SRRM3: variants seen among roughly 807,000 people sequenced by gnomAD.
The protein encoded by SRRM3 is serine/arginine repetitive matrix 3.
SRRM3 carries 27 observed loss-of-function variants against 66.2 expected under a neutral mutation model. The observed-to-expected ratio is 0.41, with a 90% CI of 0.30 to 0.56. SRRM3 has a LOEUF of 0.56. SRRM3 is among the 20% of genes least tolerant of loss of function. The probability of loss-of-function intolerance (pLI) is 0.32; values close to 1 mark genes in which losing one functional copy is unlikely to be tolerated. For synonymous variants in SRRM3, 391 were observed against 414.9 expected, an observed-to-expected ratio of 0.94 and a Z score of 0.70; for missense variants, 918 against 991.9, an observed-to-expected ratio of 0.93 and a Z score of 1.00.
At chr7:76,265,854 A>G (rs1175411409) in intron 10 of SRRM3, among the ~76,000 whole-genome samples, 1 of 9,972 alleles carries the variant, frequency 1.0e-4, no homozygotes. Context: ...ATATATATAT[A>G]TATATTTTTT....
intron 3 of SRRM3, among the ~76,000 whole-genome samples, chr7:76,256,864 C>A (rs553700760): frequency 1.4e-4 from 22 of 151,956 alleles, no homozygotes; most frequent in Non-Finnish European, 3.1e-4. Flanking sequence ...TGTGCGCCAC[C>A]ACGCCTGGCT....
At chr7:76,281,151 T>C (rs1563642306) in intron 11 of SRRM3, among the ~76,000 whole-genome samples, 2 of 150,542 alleles carry the variant, frequency 1.3e-5, no homozygotes, top group African/African-American at 2.5e-5. Flanking sequence ...CTCCTCCCTC[T>C]CTCCCTCTTT....
At chr7:76,222,697 C>T (rs782203853) in intron 1 of SRRM3, among the ~76,000 whole-genome samples, 1 of 152,024 alleles carries the variant, frequency 6.6e-6, no homozygotes, top group Non-Finnish European at 1.5e-5. Context: ...TCTTGACTCA[C>T]TGAAACCTCT....
chr7:76,204,216 C>T (rs1800236424), intron 1 of SRRM3, among the ~76,000 whole-genome samples: 1 of 152,126 alleles, frequency 6.6e-6, no homozygotes, highest in African/African-American at 2.4e-5. Flanking sequence ...ACTTTTCTCC[C>T]TCCTCTGCCC....
In SRRM3 at chr7:76,286,295, C is replaced by A. The variant is rs1554612820; in HGVS notation, c.*452C>A. 5.3e-6 allele frequency: 1 copy of A among 187,460 alleles called. No individual in the cohort carries two copies. 11.6% of individuals were successfully genotyped at this position (187,460 alleles called of 1,614,324 possible). On this transcript the variant is annotated 3_prime_UTR_variant, in exon 15 of 15. Coordinates refer to ENST00000611745, the MANE Select transcript of SRRM3 (RefSeq NM_001110199.3). ...TCCGCACTACACAGCTCCCTCCACT[C>A]CTCTCTTATCACTGGGCAGACGAGG...
In SRRM3 at chr7:76,285,300, G is replaced by A. The variant is rs868961767; in HGVS notation, c.1734-315G>A. 13 of 338,908 alleles carry A rather than the reference G, an allele frequency of 3.8e-5. No individual in the cohort carries two copies. Among genetic ancestry groups the A allele is most frequent in the Non-Finnish European group, 6.6e-5 (12 of 181,572 alleles). The allele number at this position is 338,908 out of a possible 1,614,324, so 21.0% of individuals were successfully genotyped here. A position where few individuals can be genotyped will look rare whatever the true frequency, so the allele number is the denominator to read the frequency against. On this transcript the variant is annotated intron_variant, in intron 14 of 14. Transcript: ENST00000611745. This position sits in a 1 kb window ranked among gnomAD's most constrained non-coding sequence, Gnocchi z 4.1. ...ACTGGTCTCAAACTTCTGACCTCAA[G>A]TGATCCGCCCGCCTCAGCCTCCCAA... is the stretch of plus-strand genomic sequence containing the variant.
At chr7:76,203,213 C>T (rs1276336407) in intron 1 of SRRM3, among the ~76,000 whole-genome samples, 6 of 152,170 alleles carry the variant, frequency 3.9e-5, no homozygotes, top group Admixed American at 1.3e-4. Flanking sequence ...CTTTATGCCC[C>T]ATCCCACTCT....
At chr7:76,212,018 G>GC (rs1800445784) in intron 1 of SRRM3, among the ~76,000 whole-genome samples, 1 of 150,702 alleles carries the variant, frequency 6.6e-6, no homozygotes, top group Admixed American at 6.6e-5. Context: ...TTTTTAAAAT[G>GC]TTTTTTGTAG....
intron 2 of SRRM3, among the ~76,000 whole-genome samples, chr7:76,237,122 A>G (rs1395311123): frequency 1.3e-5 from 2 of 152,020 alleles, no homozygotes; most frequent in Non-Finnish European, 2.9e-5. Flanking sequence ...AAAAAAATTT[A>G]AAAGGCCAGG....
chr7:76,275,991 G>C (rs577172335), intron 11 of SRRM3, among the ~76,000 whole-genome samples: 121 of 152,120 alleles, frequency 8.0e-4, no homozygotes, highest in African/African-American at 2.8e-3. Flanking sequence ...GAGGTGGGGG[G>C]ATCACTTGAG....
chr7:76,228,732 C>T (rs1037254152), intron 1 of SRRM3, among the ~76,000 whole-genome samples: 2 of 151,976 alleles, frequency 1.3e-5, no homozygotes, highest in Non-Finnish European at 2.9e-5. Context: ...TCAAACAAAA[C>T]AAAACAAAAC....
chr7:76,258,366 A>T (rs1801764845), intron 3 of SRRM3, among the ~76,000 whole-genome samples: 1 of 152,164 alleles, frequency 6.6e-6, no homozygotes, highest in Non-Finnish European at 1.5e-5. Context: ...GACCCACATC[A>T]TTGAGCCAGG....
intron 14 of SRRM3, among the ~76,000 whole-genome samples, chr7:76,284,387 A>T (rs1802606497): frequency 1.3e-5 from 2 of 152,130 alleles, no homozygotes; most frequent in Non-Finnish European, 1.5e-5. Context: ...CATGTTAGTC[A>T]GGCTGGTCTC....
At chr7:76,283,250 T>G in intron 14 of SRRM3, 149 bp downstream of exon 14, 4 of 796,310 alleles carry the variant, frequency 5.0e-6, no homozygotes, top group Non-Finnish European at 7.0e-6. Flanking sequence ...ATGAGTGGGT[T>G]CTGCCAGGGT....
chr7:76,262,516 GAAAA>G (rs782055282), intron 8 of SRRM3, among the ~76,000 whole-genome samples: 1 of 92,758 alleles, frequency 1.1e-5, no homozygotes, highest in African/African-American at 4.0e-5. Flanking sequence ...CTCTGTCTCA[GAAAA>G]AAAAAAAAAA....
intron 1 of SRRM3, among the ~76,000 whole-genome samples, chr7:76,207,234 C>G (rs1052968760): frequency 6.6e-6 from 1 of 151,980 alleles, no homozygotes; most frequent in Non-Finnish European, 1.5e-5. Context: ...TCTAGGACTT[C>G]AAGGATCTAG....
intron 3 of SRRM3, among the ~76,000 whole-genome samples, chr7:76,252,240 G>A (rs549293635): frequency 2.4e-4 from 36 of 152,300 alleles, no homozygotes; most frequent in Admixed American, 2.0e-3. Flanking sequence ...TCTCCAGCAG[G>A]GAAGGTCAGC....
At chr7:76,231,944 T>C (rs1333185997) in intron 1 of SRRM3, among the ~76,000 whole-genome samples, 1 of 151,804 alleles carries the variant, frequency 6.6e-6, no homozygotes, top group African/African-American at 2.4e-5. Context: ...GGGCATGCAT[T>C]TGGGGGATGA....
At chr7:76,222,368 T>C (rs1389622400) in intron 1 of SRRM3, among the ~76,000 whole-genome samples, 2 of 149,416 alleles carry the variant, frequency 1.3e-5, no homozygotes, top group Non-Finnish European at 3.0e-5. Context: ...GAGCCATAAT[T>C]GTACCACTAC....
Sources: gnomAD v4.1 joint callset for allele counts (sites outside exome capture counted in the v4.1 genomes callset) on GRCh38, gnomAD v4.1.1 for gene constraint, Gnocchi (gnomAD v3.1) non-coding constraint, MANE v1.5 for transcripts, NCBI Gene and HGNC (gene_info 2026-07-23, HGNC 2026-07-21) for gene names.